The following KCNIP4 variants were observed in gnomAD, a reference collection of about 807,000 sequenced individuals.
The protein encoded by KCNIP4 is potassium voltage-gated channel interacting protein 4.
KCNIP4 carries 12 observed loss-of-function variants against 34.0 expected under a neutral mutation model. The ratio of observed to expected loss-of-function variants is 0.35; its 90% CI spans 0.23 to 0.57. The LOEUF is 0.57. Among genes scored for constraint, KCNIP4 ranks in the 20% least tolerant of loss-of-function variants. KCNIP4 has a pLI of 0.83. For synonymous variants in KCNIP4, 124 were observed against 102.2 expected (o/e 1.21, Z -1.29); for missense variants, 238 against 311.7 (o/e 0.76, Z 1.78).
intron 1 of KCNIP4, among the ~76,000 whole-genome samples, chr4:21,176,079 A>G (rs1754387599): frequency 1.3e-5 from 2 of 152,292 alleles, no homozygotes; most frequent in East Asian, 1.9e-4. Context: ...TTTCTTTTAC[A>G]CTGGCCCAAA....
chr4:21,250,897 CAT>C (rs934582361), intron 1 of KCNIP4, among the ~76,000 whole-genome samples: 66 of 150,106 alleles, frequency 4.4e-4, no homozygotes, highest in African/African-American at 1.0e-3. Context: ...ATATTATACT[CAT>C]ATATGTTTCT....
chr4:21,144,963 G>A, intron 1 of KCNIP4, among the ~76,000 whole-genome samples: 1 of 138,000 alleles, frequency 7.2e-6, no homozygotes, highest in East Asian at 2.2e-4. Context: ...TACAATTTTA[G>A]AGGGCCATCT....
intron 1 of KCNIP4, among the ~76,000 whole-genome samples, chr4:21,909,267 C>T (rs1040363285): frequency 2.6e-5 from 4 of 152,056 alleles, no homozygotes; most frequent in Non-Finnish European, 4.4e-5. Context: ...GTCTTATATT[C>T]CCGTGCCCCT....
intron 1 of KCNIP4, among the ~76,000 whole-genome samples, chr4:20,990,502 A>G (rs1263488860): frequency 6.6e-6 from 1 of 152,198 alleles, no homozygotes; most frequent in Non-Finnish European, 1.5e-5. Flanking sequence ...GAGGGAAAAA[A>G]CTACCTTCCA....
intron 1 of KCNIP4, among the ~76,000 whole-genome samples, chr4:21,562,252 A>G (rs1055379158): frequency 6.6e-6 from 1 of 151,996 alleles, no homozygotes; most frequent in Non-Finnish European, 1.5e-5. Flanking sequence ...CCTGGGATAC[A>G]TAAGACTGCC....
intron 1 of KCNIP4, among the ~76,000 whole-genome samples, chr4:21,103,146 A>G (rs1008624799): frequency 6.6e-6 from 1 of 151,798 alleles, no homozygotes; most frequent in African/African-American, 2.4e-5. Context: ...GAGTTAAAAG[A>G]ACTTTTATTT....
At chr4:21,133,160 G>A (rs1751216200) in intron 1 of KCNIP4, among the ~76,000 whole-genome samples, 1 of 152,194 alleles carries the variant, frequency 6.6e-6, no homozygotes, top group Non-Finnish European at 1.5e-5. Flanking sequence ...AGGACAGAAG[G>A]ATCACGTCAT....
chr4:21,119,433 C>A (rs1302635136), intron 1 of KCNIP4, among the ~76,000 whole-genome samples: 2 of 141,660 alleles, frequency 1.4e-5, no homozygotes, highest in Non-Finnish European at 3.1e-5. Context: ...ACACTGATGT[C>A]TGTGGGTTGG....
chr4:20,912,187 C>G (rs1041532924), intron 1 of KCNIP4, among the ~76,000 whole-genome samples: 3 of 152,002 alleles, frequency 2.0e-5, no homozygotes, highest in Non-Finnish European at 4.4e-5. Flanking sequence ...AGGTTAAGTT[C>G]TATTAACAGA....
intron 1 of KCNIP4, among the ~76,000 whole-genome samples, chr4:20,919,351 G>T (rs13129855): frequency 0.59 from 88,919 of 151,234 alleles, 26,497 homozygotes; most frequent in East Asian, 0.82. Context: ...GCTGCCTTTG[G>T]GCAGTTTGTT....
chr4:21,734,342 T>C (rs1247196927), intron 1 of KCNIP4, among the ~76,000 whole-genome samples: 1 of 152,158 alleles, frequency 6.6e-6, no homozygotes, highest in African/African-American at 2.4e-5. Context: ...TAGTGAGTTT[T>C]AATAAAGCTA....
At position 21,453,073 on chromosome 4, in the gene KCNIP4, A is replaced by C. The variant is rs77419731; in HGVS notation, c.61+495498T>G. 0.011 allele frequency among the ~76,000 whole-genome samples: 1,655 copies of C among 152,190 alleles called. 85 individuals are homozygous for C. In the East Asian group the frequency reaches 0.13, roughly 12 times the overall value. On this transcript the variant is annotated intron_variant, in intron 1 of 8. Transcript: ENST00000382152. ...CCTTATGGCCAGTCATTTTAGAACT[A>C]CAGGCTCAAAGAAAAGGTCCCCTTG... is the stretch of plus-strand genomic sequence containing the variant.
intron 1 of KCNIP4, among the ~76,000 whole-genome samples, chr4:21,832,860 G>A (rs1246668181): frequency 1.3e-5 from 2 of 150,544 alleles, no homozygotes; most frequent in Middle Eastern, 3.2e-3. Context: ...TTGTTCTTGC[G>A]ATACTTTACT....
At chr4:20,984,013 A>T in intron 1 of KCNIP4, 1 of 1,504,394 alleles carries the variant, frequency 6.6e-7, no homozygotes, top group South Asian at 1.3e-5. Context: ...CAGGCTTGGA[A>T]CAAAGACTTG....
intron 1 of KCNIP4, among the ~76,000 whole-genome samples, chr4:21,744,932 T>C (rs1716671401): frequency 6.6e-6 from 1 of 152,178 alleles, no homozygotes; most frequent in Non-Finnish European, 1.5e-5. Context: ...CTACCGTGGT[T>C]CAACTTGGGA....
rs1413651704 is a variant in KCNIP4, at chr4:21,413,247, A to G, written c.62-530538T>C. Among the ~76,000 whole-genome samples the G allele has an allele frequency of 2.6e-5, 4 of 152,234 alleles. 1 individual carries two copies. Among genetic ancestry groups the G allele is most frequent in the Middle Eastern group, 6.8e-3 (2 of 294 alleles). On this transcript the variant is annotated intron_variant, in intron 1 of 8. Coordinates refer to ENST00000382152, the MANE Select transcript of KCNIP4 (RefSeq NM_025221.6). ...CTGACAGAACCATTTCCAAGCTCTGAGCTAAGCTAGGCTGAGGTTGGAACT... is the reference window on the plus strand; with the variant it reads ...CTGACAGAACCATTTCCAAGCTCTGGGCTAAGCTAGGCTGAGGTTGGAACT...
intron 1 of KCNIP4, among the ~76,000 whole-genome samples, chr4:21,659,389 C>T (rs1748247958): frequency 6.6e-6 from 1 of 152,124 alleles, no homozygotes; most frequent in Admixed American, 6.5e-5. Context: ...GATGCATATT[C>T]TTCAAGTGCA....
intron 1 of KCNIP4, among the ~76,000 whole-genome samples, chr4:21,435,145 C>G (rs1348216138): frequency 2.0e-5 from 3 of 151,976 alleles, no homozygotes; most frequent in Admixed American, 2.0e-4. Flanking sequence ...GACTCATGAA[C>G]AAAGATGGGG....
At chr4:21,462,613 A>G (rs1314830082) in intron 1 of KCNIP4, among the ~76,000 whole-genome samples, 1 of 152,074 alleles carries the variant, frequency 6.6e-6, no homozygotes, top group African/African-American at 2.4e-5. Flanking sequence ...CATCAGTGAG[A>G]TCAACGACTT....
Sources: gnomAD v4.1 joint callset for allele counts (sites outside exome capture counted in the v4.1 genomes callset) on GRCh38, gnomAD v4.1.1 for gene constraint, MANE v1.5 for transcripts, NCBI Gene and HGNC (gene_info 2026-07-23, HGNC 2026-07-21) for gene names.